TMEM178B: variants seen among roughly 807,000 people sequenced by gnomAD.
TMEM178B encodes transmembrane protein 178B.
A neutral mutation model predicts 31.0 loss-of-function variants in TMEM178B; 5 were observed. The ratio of observed to expected loss-of-function variants is 0.16; its 90% CI spans 0.08 to 0.34. The LOEUF is 0.34. TMEM178B is among the 10% of genes least tolerant of loss of function. The pLI, the probability that TMEM178B is intolerant of heterozygous loss-of-function variation, is 1.00. For missense variants in TMEM178B, 275 were observed against 400.3 expected (o/e 0.69, Z 2.67); for synonymous variants, 164 against 164.0 (o/e 1.00, Z 0.00).
chr7:141,190,504 G>T (rs1796679969), intron 1 of TMEM178B, among the ~76,000 whole-genome samples: 2 of 150,740 alleles, frequency 1.3e-5, no homozygotes, highest in Admixed American at 1.3e-4. Flanking sequence ...AGAGATGAAG[G>T]CTCTCTATGT....
intron 2 of TMEM178B, among the ~76,000 whole-genome samples, chr7:141,281,421 C>G (rs1368247844): frequency 1.3e-5 from 2 of 152,136 alleles, no homozygotes; most frequent in Non-Finnish European, 2.9e-5. Context: ...TGAAGGAACA[C>G]TTGTCTACCT....
At chr7:141,335,571 A>AGTTTTCATGAGAAGCTCATGAGAG (rs1441466219) in intron 2 of TMEM178B, among the ~76,000 whole-genome samples, 1 of 152,146 alleles carries the variant, frequency 6.6e-6, no homozygotes, top group African/African-American at 2.4e-5. Context: ...GCTCATGAGA[A>AGTTTTCATGAGAAGCTCATGAGAG]GTTTTCATGA....
intron 1 of TMEM178B, among the ~76,000 whole-genome samples, chr7:141,080,997 T>C (rs1658926905): frequency 6.6e-6 from 1 of 152,196 alleles, no homozygotes; most frequent in African/African-American, 2.4e-5. Context: ...TGACTGTTAC[T>C]GGTTTATATA....
At position 141,414,083 on chromosome 7, in the gene TMEM178B, T is replaced by TC. The variant is rs1407177037; in HGVS notation, c.497-23525_497-23524insC. On this transcript the variant is annotated intron_variant, in intron 2 of 3. Transcript: ENST00000565468. Reference sequence around the variant, plus strand: ...ATTTCTCCAAAAACATCATTTTTTTTTTTTTTTTTTTTTTTTTTTGAGACG... The same window carrying TC: ...ATTTCTCCAAAAACATCATTTTTTTTCTTTTTTTTTTTTTTTTTTTGAGACG... Among the ~76,000 whole-genome samples the TC allele has an allele frequency of 2.4e-4, 4 of 16,582 alleles. 1 individual carries two copies. The East Asian group carries it at 7.6e-3, about 32-fold the overall frequency. 10.9% of individuals were successfully genotyped at this position (16,582 alleles called of 152,430 possible).
At chr7:141,104,748 C>G (rs556446449) in intron 1 of TMEM178B, among the ~76,000 whole-genome samples, 6 of 152,206 alleles carry the variant, frequency 3.9e-5, no homozygotes, top group Non-Finnish European at 7.3e-5. Flanking sequence ...TAGATGCTGT[C>G]TTCCCCCTGT....
the TMEM178B span, among the ~76,000 whole-genome samples, chr7:141,490,490 G>A: frequency 6.6e-6 from 1 of 152,172 alleles, no homozygotes; most frequent in Non-Finnish European, 1.5e-5. Flanking sequence ...CAGCAGCTTG[G>A]GGAGAGGCAT....
chr7:141,457,293 G>T (rs1801982280), intron 3 of TMEM178B, among the ~76,000 whole-genome samples: 1 of 152,182 alleles, frequency 6.6e-6, no homozygotes, highest in Admixed American at 6.5e-5. Context: ...AAATTATTTA[G>T]CTTGGGATGA....
intron 2 of TMEM178B, among the ~76,000 whole-genome samples, chr7:141,286,038 C>T (rs1035612562): frequency 1.3e-5 from 2 of 151,906 alleles, no homozygotes; most frequent in African/African-American, 4.8e-5. Flanking sequence ...ATGGGTATAC[C>T]TATGTAACAA....
chr7:141,302,881 C>G (rs539985051), intron 2 of TMEM178B, among the ~76,000 whole-genome samples: 1 of 152,154 alleles, frequency 6.6e-6, no homozygotes, highest in Non-Finnish European at 1.5e-5. Flanking sequence ...ACTTGACCTC[C>G]GGGCACAGAA....
At chr7:141,355,723 T>G (rs1317187766) in intron 2 of TMEM178B, among the ~76,000 whole-genome samples, 1 of 152,240 alleles carries the variant, frequency 6.6e-6, no homozygotes. Context: ...ATTCAAATTT[T>G]ATTTTAGATT....
intron 2 of TMEM178B, among the ~76,000 whole-genome samples, chr7:141,266,609 G>C (rs1398785899): frequency 6.6e-6 from 1 of 152,112 alleles, no homozygotes; most frequent in African/African-American, 2.4e-5. Context: ...GTGGGCTAGG[G>C]GCTGCCTCTG....
At chr7:141,507,873 A>G in the TMEM178B span, among the ~76,000 whole-genome samples, 1 of 152,062 alleles carries the variant, frequency 6.6e-6, no homozygotes, top group Non-Finnish European at 1.5e-5. Context: ...CCACGAAACC[A>G]TTTTTTGCTC....
At chr7:141,371,162 T>G (rs1341474122) in intron 2 of TMEM178B, among the ~76,000 whole-genome samples, 1 of 152,186 alleles carries the variant, frequency 6.6e-6, no homozygotes, top group African/African-American at 2.4e-5. Context: ...ATGTTGAAAT[T>G]TGGTCCCCAA....
chr7:141,222,173 A>G (rs533595779), intron 2 of TMEM178B, among the ~76,000 whole-genome samples: 14 of 152,264 alleles, frequency 9.2e-5, no homozygotes, highest in African/African-American at 2.4e-4. Flanking sequence ...AGATTTGGTA[A>G]TTTACTTTCC....
intron 2 of TMEM178B, among the ~76,000 whole-genome samples, chr7:141,379,224 T>C (rs906357406): frequency 2.6e-5 from 4 of 151,820 alleles, no homozygotes; most frequent in Non-Finnish European, 5.9e-5. Flanking sequence ...CCTAGCACTT[T>C]GGGAGATCAA....
intron 2 of TMEM178B, among the ~76,000 whole-genome samples, chr7:141,420,186 A>G (rs1801177805): frequency 7.2e-6 from 1 of 138,406 alleles, no homozygotes; most frequent in African/African-American, 2.5e-5. Flanking sequence ...CATAGCATTT[A>G]TCACTGCCCC....
At chr7:141,448,110 A>T (rs1801795344) in intron 3 of TMEM178B, among the ~76,000 whole-genome samples, 1 of 151,996 alleles carries the variant, frequency 6.6e-6, no homozygotes. Context: ...TGATGACTGA[A>T]TAATCACACA....
intron 2 of TMEM178B, among the ~76,000 whole-genome samples, chr7:141,278,777 C>G (rs1798308444): frequency 6.6e-6 from 1 of 152,016 alleles, no homozygotes; most frequent in South Asian, 2.1e-4. Flanking sequence ...TGGGAGTTTA[C>G]TGAGGTCCGT....
chr7:141,502,060 G>C, the TMEM178B span, among the ~76,000 whole-genome samples: 1 of 152,094 alleles, frequency 6.6e-6, no homozygotes, highest in Non-Finnish European at 1.5e-5. Flanking sequence ...CTGTGCTCTT[G>C]ATCCGAACCC....
Sources: gnomAD v4.1 joint callset for allele counts (sites outside exome capture counted in the v4.1 genomes callset) on GRCh38, gnomAD v4.1.1 for gene constraint, MANE v1.5 for transcripts, NCBI Gene and HGNC (gene_info 2026-07-23, HGNC 2026-07-21) for gene names.